Variants in SCHIP1 observed in about 807,000 individuals in gnomAD.
The protein encoded by SCHIP1 is schwannomin interacting protein 1, also known as schwannomin-interacting protein 1.
A neutral mutation model predicts 29.7 loss-of-function variants in SCHIP1; 8 were observed. The ratio of observed to expected loss-of-function variants is 0.27; its 90% CI spans 0.16 to 0.49. SCHIP1 has a LOEUF of 0.49. SCHIP1 is among the 20% of genes least tolerant of loss of function. The pLI, the probability that SCHIP1 is intolerant of heterozygous loss-of-function variation, is 0.99. For synonymous variants in SCHIP1, 76 were observed against 94.9 expected, an observed-to-expected ratio of 0.80 and a Z score of 1.16; for missense variants, 193 against 294.6, an observed-to-expected ratio of 0.66 and a Z score of 2.52.
chr3:159,815,626 C>T, the SCHIP1 span, among the ~76,000 whole-genome samples: 1 of 152,168 alleles, frequency 6.6e-6, no homozygotes, highest in Non-Finnish European at 1.5e-5. Flanking sequence ...ACTCCTTTAC[C>T]TTTTGAAGAC....
chr3:159,559,780 G>C, the SCHIP1 span, among the ~76,000 whole-genome samples: 1 of 152,178 alleles, frequency 6.6e-6, no homozygotes, highest in African/African-American at 2.4e-5. Context: ...CATCAGCTCT[G>C]ATTTTTTTTC....
the SCHIP1 span, among the ~76,000 whole-genome samples, chr3:159,624,818 C>T: frequency 1.3e-5 from 2 of 152,286 alleles, no homozygotes; most frequent in East Asian, 3.9e-4. Flanking sequence ...TTGTGAGTCA[C>T]AGCACCTGAG....
the SCHIP1 span, among the ~76,000 whole-genome samples, chr3:159,406,680 A>T: frequency 2.0e-5 from 3 of 152,226 alleles, no homozygotes; most frequent in Non-Finnish European, 2.9e-5. Flanking sequence ...TAATTACAAC[A>T]ACTTTTCAAG....
chr3:159,519,068 A>G, the SCHIP1 span, among the ~76,000 whole-genome samples: 1 of 152,150 alleles, frequency 6.6e-6, no homozygotes. Context: ...TTAGAACTCA[A>G]ACAAAGCAAT....
chr3:159,498,194 C>T, the SCHIP1 span, among the ~76,000 whole-genome samples: 2 of 152,146 alleles, frequency 1.3e-5, no homozygotes, highest in African/African-American at 4.8e-5. Context: ...CTGCCAACAG[C>T]TCTATTTCGT....
the SCHIP1 span, among the ~76,000 whole-genome samples, chr3:159,347,549 G>A: frequency 6.6e-6 from 1 of 152,142 alleles, no homozygotes; most frequent in Non-Finnish European, 1.5e-5. Context: ...TATTAATAGT[G>A]ACTTCAGAAA....
the SCHIP1 span, among the ~76,000 whole-genome samples, chr3:159,564,563 A>G: frequency 6.6e-6 from 1 of 152,070 alleles, no homozygotes; most frequent in Non-Finnish European, 1.5e-5. Flanking sequence ...TTCAGTAGAG[A>G]CAGGGTTTCT....
the SCHIP1 span, among the ~76,000 whole-genome samples, chr3:159,659,890 G>A: frequency 6.6e-6 from 1 of 152,140 alleles, no homozygotes; most frequent in East Asian, 1.9e-4. Context: ...AAATAGGGGA[G>A]GGGGCTTCTG....
chr3:159,559,499 C>T, the SCHIP1 span, among the ~76,000 whole-genome samples: 1 of 152,090 alleles, frequency 6.6e-6, no homozygotes, highest in African/African-American at 2.4e-5. Flanking sequence ...TCATAACTTC[C>T]CCCGAAATAC....
chr3:159,351,029 G>A, the SCHIP1 span, among the ~76,000 whole-genome samples: 1 of 152,120 alleles, frequency 6.6e-6, no homozygotes, highest in South Asian at 2.1e-4. Context: ...TATCTGCACA[G>A]TATTTTGAAA....
At chr3:159,305,122 C>A in the SCHIP1 span, among the ~76,000 whole-genome samples, 1 of 152,176 alleles carries the variant, frequency 6.6e-6, no homozygotes, top group Non-Finnish European at 1.5e-5. Flanking sequence ...CTTTCTACTG[C>A]CCTGTCCTAC....
chr3:159,401,637 C>A, the SCHIP1 span, among the ~76,000 whole-genome samples: 2 of 152,178 alleles, frequency 1.3e-5, no homozygotes, highest in Admixed American at 1.3e-4. Context: ...AAGACTCATA[C>A]ACTTTTCATT....
At chr3:159,549,577 T>G in the SCHIP1 span, among the ~76,000 whole-genome samples, 1 of 152,160 alleles carries the variant, frequency 6.6e-6, no homozygotes, top group Non-Finnish European at 1.5e-5. Context: ...GAGATAACAG[T>G]CATCTCCAAT....
At chr3:159,603,554 G>C in the SCHIP1 span, among the ~76,000 whole-genome samples, 1 of 152,108 alleles carries the variant, frequency 6.6e-6, no homozygotes, top group Admixed American at 6.5e-5. Context: ...ACATAACTTT[G>C]AATGTTTTAA....
At chr3:159,819,263 G>A in the SCHIP1 span, among the ~76,000 whole-genome samples, 4 of 152,248 alleles carry the variant, frequency 2.6e-5, no homozygotes, top group Non-Finnish European at 5.9e-5. Context: ...GAGGAAGAAA[G>A]AGATGGATGG....
At chr3:159,528,515 C>T in the SCHIP1 span, among the ~76,000 whole-genome samples, 5 of 152,214 alleles carry the variant, frequency 3.3e-5, no homozygotes, top group African/African-American at 7.2e-5. Context: ...TTCTCTGCCT[C>T]TCTCATGTAG....
chr3:159,563,684 G>A, the SCHIP1 span, among the ~76,000 whole-genome samples: 1 of 151,972 alleles, frequency 6.6e-6, no homozygotes, highest in Non-Finnish European at 1.5e-5. Context: ...AAAACAGCCA[G>A]GCATGGTGGT....
At chr3:159,336,691 C>A in the SCHIP1 span, among the ~76,000 whole-genome samples, 5 of 152,256 alleles carry the variant, frequency 3.3e-5, no homozygotes, top group Non-Finnish European at 5.9e-5. Flanking sequence ...GTGTTCTTTT[C>A]CATTGGTCTA....
chr3:159,882,120 G>A (rs1340125427), intron 2 of SCHIP1, among the ~76,000 whole-genome samples: 3 of 152,194 alleles, frequency 2.0e-5, no homozygotes, highest in Non-Finnish European at 4.4e-5. Flanking sequence ...AAGCTGCAGG[G>A]TCACATTACA....
Sources: gnomAD v4.1 joint callset for allele counts (sites outside exome capture counted in the v4.1 genomes callset) on GRCh38, gnomAD v4.1.1 for gene constraint, MANE v1.5 for transcripts, NCBI Gene and HGNC (gene_info 2026-07-23, HGNC 2026-07-21) for gene names.